The following MTO1 variants were observed in gnomAD, a reference collection of about 807,000 sequenced individuals.
MTO1 encodes the protein mitochondrial tRNA translation optimization 1.
In MTO1, 46 loss-of-function variants were observed where a neutral mutation model predicts 71.6. The observed-to-expected ratio is 0.64, with a 90% confidence interval of 0.51 to 0.82. MTO1 has a LOEUF of 0.82. Among genes scored for constraint, MTO1 ranks in the 40% least tolerant of loss-of-function variants. MTO1 has a pLI of 0.00. For synonymous variants in MTO1, 297 were observed against 312.1 expected (o/e 0.95, Z 0.51); for missense variants, 773 against 867.5 (o/e 0.89, Z 1.37).
intron 9 of MTO1, among the ~76,000 whole-genome samples, chr6:73,490,450 C>G (rs1409288672): frequency 6.6e-6 from 1 of 151,958 alleles, no homozygotes; most frequent in Non-Finnish European, 1.5e-5. Flanking sequence ...TTTAATCCAT[C>G]TTGAATTAAT....
rs1415237171 is a variant in MTO1 at position 73,503,663 on chromosome 6, G to T, written c.*2928G>T. 1 of 152,134 alleles carries T rather than the reference G, an allele frequency of 6.6e-6. No homozygotes were observed. Among genetic ancestry groups the T allele is most frequent in the Non-Finnish European group, 1.5e-5 (1 of 68,032 alleles). The allele number at this position is 152,134 out of a possible 1,614,324, so 9.4% of individuals were successfully genotyped here. On this transcript the variant is annotated 3_prime_UTR_variant, in exon 12 of 12. Coordinates refer to ENST00000498286, the MANE Select transcript of MTO1 (RefSeq NM_012123.4). ...GACTTCCTCTATTCACCACAGACCA[G>T]ACTGCCTACCAGTTGAAAAAGCCAG...
In MTO1 at chr6:73,461,750, A is replaced by G. The variant is rs894556750; in HGVS notation, c.-105A>G. On this transcript the variant is annotated 5_prime_UTR_variant, in exon 1 of 12. Transcript: ENST00000498286. Reference sequence around the variant, plus strand: ...CTGGACGTAGACGTCCTACCCCGTGATATTAAAGCAAGATGGCCGCGCCCT... The same window carrying G: ...CTGGACGTAGACGTCCTACCCCGTGGTATTAAAGCAAGATGGCCGCGCCCT... 1 of 1,250,448 alleles carries G rather than the reference A, an allele frequency of 8.0e-7. No homozygotes were observed. The highest frequency in any genetic ancestry group is 2.1e-5 in the Admixed American group (1 of 46,948). 77.5% of individuals were successfully genotyped at this position (1,250,448 alleles called of 1,614,324 possible). A position where few individuals can be genotyped will look rare whatever the true frequency, so the allele number is the denominator to read the frequency against.
chr6:73,495,732 C>G (rs945111236), intron 10 of MTO1, among the ~76,000 whole-genome samples: 1 of 152,004 alleles, frequency 6.6e-6, no homozygotes, highest in African/African-American at 2.4e-5. Flanking sequence ...TAACATTATA[C>G]CCTTATATAC....
intron 2 of MTO1, 27 bp from the exon 3 acceptor site, chr6:73,466,461 TG>T: frequency 6.2e-7 from 1 of 1,613,286 alleles, no homozygotes; most frequent in Non-Finnish European, 8.5e-7. Context: ...TTAATTACCA[TG>T]TTTCAACTGG....
intron 7 of MTO1, 164 bp downstream of exon 7, chr6:73,480,969 G>T (rs1398783568): frequency 1.3e-5 from 3 of 229,450 alleles, no homozygotes; most frequent in South Asian, 3.2e-5. Context: ...AGATAATAGG[G>T]TTTTTTTTTT....
At chr6:73,473,256 C>A (rs1012439371) in intron 3 of MTO1, 109 bp from the exon 4 acceptor site, 4 of 1,197,348 alleles carry the variant, frequency 3.3e-6, no homozygotes, top group Non-Finnish European at 4.5e-6. Flanking sequence ...TCCAGCCTGG[C>A]GATAGAGTGA....
At chr6:73,468,035 G>A (rs909150968) in intron 3 of MTO1, among the ~76,000 whole-genome samples, 3 of 151,814 alleles carry the variant, frequency 2.0e-5, no homozygotes, top group Non-Finnish European at 4.4e-5. Flanking sequence ...TGGCCAGGAT[G>A]GTCTTGTTCT....
chr6:73,498,917 C>T (rs1039139265), intron 11 of MTO1, among the ~76,000 whole-genome samples: 16 of 151,922 alleles, frequency 1.1e-4, no homozygotes, highest in East Asian at 5.8e-4. Flanking sequence ...TTAGCAGAGA[C>T]GGGGTTTCAC....
intron 10 of MTO1, among the ~76,000 whole-genome samples, chr6:73,494,627 C>T (rs1771929891): frequency 6.6e-6 from 1 of 151,940 alleles, no homozygotes; most frequent in Non-Finnish European, 1.5e-5. Flanking sequence ...CAGGCATGCA[C>T]CACCACGCCT....
chr6:73,504,139 G>A lies in MTO1; in HGVS notation c.*3404G>A, dbSNP rs1228657061. The stretch of plus-strand genomic sequence containing the variant: ...TACACTTACTTCGTTCTACCTTAAT[G>A]TTTTTATTTAGAGACAAGATCTCAC... On this transcript the variant is annotated 3_prime_UTR_variant, in exon 12 of 12. Transcript: ENST00000498286. The A allele has an allele frequency of 6.6e-6, 1 of 152,120 alleles. No individual in the cohort carries two copies. The highest frequency in any genetic ancestry group is 2.4e-5 in the African/African-American group (1 of 41,406). 9.4% of individuals were successfully genotyped at this position (152,120 alleles called of 1,614,324 possible). A position where few individuals can be genotyped will look rare whatever the true frequency, so the allele number is the denominator to read the frequency against.
chr6:73,485,222 A>G (rs2150038903), intron 9 of MTO1, among the ~76,000 whole-genome samples: 1 of 152,302 alleles, frequency 6.6e-6, no homozygotes, highest in South Asian at 2.1e-4. Context: ...GAATAAAAAG[A>G]TGAACAAATG....
intron 9 of MTO1, among the ~76,000 whole-genome samples, chr6:73,489,898 T>C (rs1351163692): frequency 2.0e-5 from 3 of 152,168 alleles, no homozygotes; most frequent in Non-Finnish European, 2.9e-5. Context: ...AGTTTACAGT[T>C]CCACCAACAG....
intron 11 of MTO1, among the ~76,000 whole-genome samples, chr6:73,500,192 G>A (rs1202312241): frequency 1.3e-5 from 2 of 152,228 alleles, no homozygotes; most frequent in Non-Finnish European, 2.9e-5. Flanking sequence ...TGTAGAGACA[G>A]AGTCCCACTA....
chr6:73,473,784 TGA>T, intron 4 of MTO1, 130 bp downstream of exon 4: 3 of 698,210 alleles, frequency 4.3e-6, no homozygotes, highest in Non-Finnish European at 6.5e-6. Flanking sequence ...TGCAAAGAAA[TGA>T]TTTTTTTTTT....
At chr6:73,471,289 C>T (rs988237617) in intron 3 of MTO1, among the ~76,000 whole-genome samples, 2 of 151,458 alleles carry the variant, frequency 1.3e-5, no homozygotes, top group African/African-American at 4.9e-5. Flanking sequence ...TGCTCACTGA[C>T]TTCCCTCAAG....
Position 73,500,743 on chromosome 6 carries a change from T to A in MTO1, c.*8T>A. ...CAAGAGAGAGAGTTATAGCTTTCAA[T>A]TCATAAAAGATTTTTAAAGAGCATA... On this transcript the variant is annotated 3_prime_UTR_variant, in exon 12 of 12. Coordinates refer to ENST00000498286, the MANE Select transcript of MTO1 (RefSeq NM_012123.4). 1 of 1,556,940 alleles carries A rather than the reference T, an allele frequency of 6.4e-7. No individual in the cohort carries two copies. Among genetic ancestry groups the A allele is most frequent in the Non-Finnish European group, 8.7e-7 (1 of 1,151,452 alleles).
chr6:73,466,141 T>C (rs1053401791), intron 1 of MTO1, 68 bp from the exon 2 acceptor site: 11 of 1,320,608 alleles, frequency 8.3e-6, no homozygotes, highest in Middle Eastern at 1.8e-4. Context: ...TATAAATGTT[T>C]CCTTATTAAG....
chr6:73,473,434 T>C lies in MTO1; in HGVS notation c.605T>C (p.Val202Ala), dbSNP rs1206431304. The change falls in exon 4 of 12, where the codon GTA becomes GCA. Residue 202 changes from valine to alanine, a missense_variant. Transcript: ENST00000498286. ...TTGTFLRGMI[V>A]IGLETHPAGR... ...GGGACATTTCTGAGAGGCATGATTGTAATTGGATTGGAGACGCATCCAGCA... is the reference window on the plus strand; with the variant it reads ...GGGACATTTCTGAGAGGCATGATTGCAATTGGATTGGAGACGCATCCAGCA... The C allele has an allele frequency of 1.9e-6, 3 of 1,614,210 alleles. No homozygotes were observed. The highest frequency in any genetic ancestry group is 1.7e-6 in the Non-Finnish European group (2 of 1,180,042).
intron 1 of MTO1, among the ~76,000 whole-genome samples, chr6:73,465,563 A>G (rs1305171087): frequency 2.0e-5 from 3 of 152,116 alleles, no homozygotes; most frequent in African/African-American, 4.8e-5. Flanking sequence ...CTGGTGCTGT[A>G]TCAAAAAAGA....
Sources: allele counts gnomAD v4.1 joint callset (sites outside exome capture counted in the v4.1 genomes callset), GRCh38; gene constraint gnomAD v4.1.1; transcripts MANE v1.5; gene names NCBI Gene and HGNC (gene_info 2026-07-23, HGNC 2026-07-21).